NUP88: variants seen among roughly 807,000 people sequenced by gnomAD.
The protein encoded by NUP88 is nucleoporin 88, also known as nuclear pore complex protein Nup88.
NUP88 carries 57 observed loss-of-function variants against 93.9 expected under a neutral mutation model. The observed-to-expected ratio is 0.61, with a 90% confidence interval of 0.49 to 0.76. The LOEUF is 0.76. Among genes scored for constraint, NUP88 ranks in the 30% least tolerant of loss-of-function variants. The pLI is 0.00. For missense variants in NUP88, 911 were observed against 901.0 expected (o/e 1.01, Z -0.14); for synonymous variants, 346 against 336.8 (o/e 1.03, Z -0.30).
chr17:5,387,919 T>G lies in NUP88; in HGVS notation c.1644-15A>C. The G allele has an allele frequency of 6.2e-7, 1 of 1,608,476 alleles. No homozygotes were observed. Among genetic ancestry groups the G allele is most frequent in the Non-Finnish European group, 8.5e-7 (1 of 1,178,304 alleles). On this transcript the variant is annotated splice_polypyrimidine_tract_variant and intron_variant, in intron 11 of 16. Coordinates refer to ENST00000573584, the MANE Select transcript of NUP88 (RefSeq NM_002532.6). ...TTTCAGAAGCTCTTAAAAACAAAGTTTCTACCTTTATTTTCCTTAGCTGAG... is the reference window on the plus strand; with the variant it reads ...TTTCAGAAGCTCTTAAAAACAAAGTGTCTACCTTTATTTTCCTTAGCTGAG...
chr17:5,393,246 C>T (rs1306789747), intron 9 of NUP88, among the ~76,000 whole-genome samples: 6 of 150,888 alleles, frequency 4.0e-5, no homozygotes, highest in African/African-American at 1.2e-4. Flanking sequence ...TGAGCCACCA[C>T]GCCTGGCCTC....
chr17:5,389,164 AG>A (rs1423409940), intron 10 of NUP88, among the ~76,000 whole-genome samples: 1 of 152,232 alleles, frequency 6.6e-6, no homozygotes, highest in Non-Finnish European at 1.5e-5. Flanking sequence ...GATTTGTGAA[AG>A]CATTTCTGAC....
chr17:5,417,264 A>T (rs1156518608), intron 1 of NUP88, among the ~76,000 whole-genome samples: 1 of 152,224 alleles, frequency 6.6e-6, no homozygotes, highest in Non-Finnish European at 1.5e-5. Context: ...CTGAAAGCTT[A>T]TAAATTCTGG....
Position 5,419,375 on chromosome 17 carries a change from C to T in NUP88, c.276G>A (p.Glu92=), listed in dbSNP as rs1675353707. The change falls in exon 1 of 17, where the codon GAG becomes GAA. Residue 92 remains glutamate (E), a synonymous_variant. Coordinates refer to ENST00000573584, the MANE Select transcript of NUP88 (RefSeq NM_002532.6). ...TTACCTGGTACTGGGACAGGGCGGG[C>T]TCTTCGCCGCCGCCGCTGGGGCCCC... The part of the protein sequence containing the change: ...RLRGPSGGGE[E]PALSQYQRLL... 1.2e-6 allele frequency: 2 copies of T among 1,601,122 alleles called. No individual in the cohort carries two copies. Among genetic ancestry groups the T allele is most frequent in the East Asian group, 2.2e-5 (1 of 44,716 alleles).
Position 5,419,350 on chromosome 17 carries a change from T to C in NUP88, c.297+4A>G, listed in dbSNP as rs889099800. 6 of 1,558,832 alleles carry C rather than the reference T, an allele frequency of 3.8e-6. No homozygotes were observed. The highest frequency in any genetic ancestry group is 2.1e-5 in the Admixed American group (1 of 48,624). On this transcript the variant is annotated splice_donor_region_variant and intron_variant, in intron 1 of 16. Transcript: ENST00000573584. Reference sequence around the variant, plus strand: ...GGTCACTTCCAAGATCGGCCTGGCATTACCTGGTACTGGGACAGGGCGGGC... The same window carrying C: ...GGTCACTTCCAAGATCGGCCTGGCACTACCTGGTACTGGGACAGGGCGGGC...
At chr17:5,394,823 T>C (rs1284532115) in intron 9 of NUP88, 68 bp downstream of exon 9, 2 of 1,063,336 alleles carry the variant, frequency 1.9e-6, no homozygotes, top group African/African-American at 3.1e-5. Context: ...GTGTAACGGA[T>C]ACAAACGTAT....
intron 7 of NUP88, among the ~76,000 whole-genome samples, chr17:5,403,409 G>A (rs1470888156): frequency 1.3e-5 from 2 of 152,162 alleles, no homozygotes; most frequent in Admixed American, 6.5e-5. Flanking sequence ...CCCAGGAGGC[G>A]GAGGTTGCAG....
chr17:5,395,773 C>T (rs147392452), intron 8 of NUP88, among the ~76,000 whole-genome samples: 3,136 of 152,220 alleles, frequency 0.021, 46 homozygotes, highest in Non-Finnish European at 0.028. Flanking sequence ...CTGCCTCAGC[C>T]TCCCAAAGTG....
intron 5 of NUP88, among the ~76,000 whole-genome samples, chr17:5,405,712 C>G (rs1013618005): frequency 2.0e-5 from 3 of 152,206 alleles, no homozygotes; most frequent in Non-Finnish European, 2.9e-5. Flanking sequence ...TTTGCTAAAT[C>G]CAAAATGCAC....
At chr17:5,388,489 T>C (rs891138464) in intron 11 of NUP88, 16 of 196,148 alleles carry the variant, frequency 8.2e-5, no homozygotes, top group African/African-American at 3.7e-4. Flanking sequence ...GGGGTTTTGC[T>C]GTGTTAGCCA....
chr17:5,415,527 AC>A (rs1268916908), intron 2 of NUP88, among the ~76,000 whole-genome samples: 1 of 152,144 alleles, frequency 6.6e-6, no homozygotes, highest in Non-Finnish European at 1.5e-5. Flanking sequence ...GTTTAAGGGG[AC>A]TCAACTTATA....
At chr17:5,400,833 T>TTA (rs1913116369) in intron 7 of NUP88, among the ~76,000 whole-genome samples, 1 of 152,230 alleles carries the variant, frequency 6.6e-6, no homozygotes, top group Non-Finnish European at 1.5e-5. Context: ...GTCTTCATAA[T>TTA]GTTGACTTAC....
chr17:5,418,000 C>G (rs571311833), intron 1 of NUP88: 1 of 151,548 alleles, frequency 6.6e-6, no homozygotes, highest in South Asian at 2.1e-4. Flanking sequence ...ATTAGTCGGG[C>G]GTGGTGGCAG....
chr17:5,408,977 C>CA (rs1913663751), intron 4 of NUP88, 68 bp from the exon 5 acceptor site: 2 of 1,397,288 alleles, frequency 1.4e-6, no homozygotes, highest in Admixed American at 2.6e-5. Flanking sequence ...AAAAACAAAA[C>CA]AAAACAAAAA....
chr17:5,388,861 G>GCATATTA lies in NUP88; in HGVS notation c.1583_1584insTAATATG (p.Phe529AsnfsTer4). 1 of 1,614,098 alleles carries GCATATTA rather than the reference G, an allele frequency of 6.2e-7. No individual in the cohort carries two copies. Among genetic ancestry groups the GCATATTA allele is most frequent in the Non-Finnish European group, 8.5e-7 (1 of 1,179,984 alleles). ...AAATGCTTCTAATATGCTTTTCAAA[G>GCATATTA]GAATCTGGGGTTTCAGCCAGAACAC... On this transcript the variant is annotated frameshift_variant, in exon 11 of 17. Transcript: ENST00000573584. LOFTEE classifies it high-confidence loss of function.
intron 9 of NUP88, among the ~76,000 whole-genome samples, chr17:5,394,519 T>G (rs56300366): frequency 0.44 from 66,399 of 151,906 alleles, 15,274 homozygotes; most frequent in East Asian, 0.84. Context: ...ATATAAATAG[T>G]GTAATATGTG....
Position 5,386,784 on chromosome 17 carries a change from C to A in NUP88, c.2086G>T (p.Val696Leu), listed in dbSNP as rs756473873. ...ATGGTGGGTTTTGGAAGACTCAACA[C>A]CTTCTCCATCTTTTGCTGTTGATAA... ...KDYQQQKMEKVLSLPKPTIIL... is the reference protein window; with the variant it reads ...KDYQQQKMEKLLSLPKPTIIL... Residue 696 changes from valine to leucine, a missense_variant, in exon 16 of 17, where the codon GTG becomes TTG. By Grantham distance (32) the Val-to-Leu change is conservative (BLOSUM62 1). Coordinates refer to ENST00000573584, the MANE Select transcript of NUP88 (RefSeq NM_002532.6). The A allele has an allele frequency of 6.2e-7, 1 of 1,614,018 alleles. No individual in the cohort carries two copies. Among genetic ancestry groups the A allele is most frequent in the Non-Finnish European group, 8.5e-7 (1 of 1,179,904 alleles).
Position 5,384,973 on chromosome 17 carries a change from C to T in NUP88, c.*1233G>A, listed in dbSNP as rs1317227306. On this transcript the variant is annotated 3_prime_UTR_variant, in exon 17 of 17. Coordinates refer to ENST00000573584, the MANE Select transcript of NUP88 (RefSeq NM_002532.6). Reference sequence around the variant, plus strand: ...GTGCTGTAAATCAGGGTGGGCAATTCACAGCCTTTCTGAACTGACTGAACT... The same window carrying T: ...GTGCTGTAAATCAGGGTGGGCAATTTACAGCCTTTCTGAACTGACTGAACT... 3 of 228,014 alleles carry T rather than the reference C, an allele frequency of 1.3e-5. No individual in the cohort carries two copies. Among genetic ancestry groups the T allele is most frequent in the Non-Finnish European group, 2.6e-5 (3 of 114,964 alleles). 14.1% of individuals were successfully genotyped at this position (228,014 alleles called of 1,614,324 possible).
intron 6 of NUP88, among the ~76,000 whole-genome samples, 193 bp from the exon 7 acceptor site, chr17:5,404,439 CCT>C (rs1358963926): frequency 6.6e-6 from 1 of 151,892 alleles, no homozygotes; most frequent in African/African-American, 2.4e-5. Flanking sequence ...ATACTGAAAC[CCT>C]GTCTCTACTA....
Sources: gnomAD v4.1 joint callset for allele counts (sites outside exome capture counted in the v4.1 genomes callset) on GRCh38, gnomAD v4.1.1 for gene constraint, MANE v1.5 for transcripts, NCBI Gene and HGNC (gene_info 2026-07-23, HGNC 2026-07-21) for gene names.